ITGAX: variants seen among roughly 807,000 people sequenced by gnomAD.
ITGAX encodes integrin alpha-X.
Under a neutral mutation model 140.2 loss-of-function variants are expected in ITGAX, and 99 were observed. The observed-to-expected ratio is 0.71, with a 90% CI of 0.60 to 0.83. The LOEUF (loss-of-function observed/expected upper bound fraction) is 0.83, where lower values mean the gene tolerates loss of function less well. Among genes scored for constraint, ITGAX ranks in the 40% least tolerant of loss-of-function variants. ITGAX has a pLI of 0.00. For synonymous variants in ITGAX, 631 were observed against 600.4 expected (o/e 1.05, Z -0.75); for missense variants, 1,444 against 1,482.0 (o/e 0.97, Z 0.42).
At chr16:31,360,142 G>A in intron 7 of ITGAX, 77 bp downstream of exon 7, 1 of 1,581,290 alleles carries the variant, frequency 6.3e-7, no homozygotes, top group Non-Finnish European at 8.6e-7. Context: ...TCCACGAGAA[G>A]GGGACAGGCA....
At position 31,355,942 on chromosome 16, in the gene ITGAX, C is replaced by T. The variant is rs745533790; in HGVS notation, c.87C>T (p.Ala29=). 1 of 1,613,904 alleles carries T rather than the reference C, an allele frequency of 6.2e-7. No homozygotes were observed. Among genetic ancestry groups the T allele is most frequent in the Non-Finnish European group, 8.5e-7 (1 of 1,179,872 alleles). Residue 29 remains alanine (A), a synonymous_variant, in exon 2 of 30, where the codon GCC becomes GCT. Coordinates refer to ENST00000268296, the MANE Select transcript of ITGAX (RefSeq NM_000887.5). ...GFNLDTEELT[A]FRVDSAGFGD... ...ACTTGGACACAGAGGAGCTGACAGC[C>T]TTCCGTGTGGACAGCGCTGGGTTTG...
chr16:31,372,508 C>T lies in ITGAX; in HGVS notation c.2291C>T (p.Ser764Phe). The T allele has an allele frequency of 2.5e-6, 4 of 1,610,406 alleles. No individual in the cohort carries two copies. Among genetic ancestry groups the T allele is most frequent in the Non-Finnish European group, 3.4e-6 (4 of 1,179,002 alleles). The change falls in exon 18 of 30, where the codon TCC becomes TTC. Residue 764 changes from serine to phenylalanine, a missense_variant and splice_region_variant. Ser to Phe is a radical substitution (Grantham distance 155). Coordinates refer to ENST00000268296, the MANE Select transcript of ITGAX (RefSeq NM_000887.5). ...AADAQRYFTA[S>F]LPFEKNCGAD... is the part of the protein sequence containing the mutation. ...GATGCTCAGAGATACTTCACGGCCT[C>T]CGTGAGTCCTGGCACTGGGTCTCCC... is the stretch of plus-strand genomic sequence containing the variant.
intron 5 of ITGAX, 110 bp from the exon 6 acceptor site, chr16:31,359,590 G>A (rs1415945040): frequency 1.5e-6 from 2 of 1,320,870 alleles, no homozygotes; most frequent in African/African-American, 1.5e-5. Flanking sequence ...CGCCAGACTA[G>A]GGGCTTAGGG....
At chr16:31,361,991 G>A (rs1360804995) in intron 10 of ITGAX, 82 bp downstream of exon 10, 5 of 1,612,426 alleles carry the variant, frequency 3.1e-6, no homozygotes, top group Non-Finnish European at 4.2e-6. Context: ...AGGTGGGTAA[G>A]AGGCGCAGGC....
chr16:31,366,681 AATTTTTGT>A (rs1276878376), intron 14 of ITGAX, among the ~76,000 whole-genome samples: 1 of 152,148 alleles, frequency 6.6e-6, no homozygotes, highest in Admixed American at 6.5e-5. Context: ...ATGCCTGGCT[AATTTTTGT>A]GTTTTTAGTA....
chr16:31,371,003 A>G, intron 14 of ITGAX, 81 bp from the exon 15 acceptor site: 2 of 1,565,632 alleles, frequency 1.3e-6, no homozygotes, highest in South Asian at 1.1e-5. Context: ...CGATGGTCCT[A>G]CCTCCATATT....
chr16:31,360,210 G>A, intron 7 of ITGAX, 100 bp from the exon 8 acceptor site: 1 of 1,511,696 alleles, frequency 6.6e-7, no homozygotes, highest in Non-Finnish European at 8.9e-7. Context: ...GGTGGGACTG[G>A]GGCCTCCCAA....
At chr16:31,371,829 C>A in intron 17 of ITGAX, 45 bp downstream of exon 17, 1 of 1,600,016 alleles carries the variant, frequency 6.2e-7, no homozygotes, top group Non-Finnish European at 8.5e-7. Flanking sequence ...CTGGGGCTGG[C>A]AGAAGGCAGG....
At chr16:31,381,745 CTT>C in intron 29 of ITGAX, 56 bp from the exon 30 acceptor site, 1 of 857,226 alleles carries the variant, frequency 1.2e-6, no homozygotes, top group Non-Finnish European at 2.0e-6. Flanking sequence ...TCAGTCATCT[CTT>C]TTCCTCTCTT....
chr16:31,380,446 C>A, intron 27 of ITGAX, 67 bp downstream of exon 27: 1 of 1,608,974 alleles, frequency 6.2e-7, no homozygotes, highest in East Asian at 2.2e-5. Flanking sequence ...CTGTGCCCAT[C>A]TGCAAGCCAG....
chr16:31,366,017 G>A (rs2080889274), intron 14 of ITGAX, among the ~76,000 whole-genome samples: 3 of 152,212 alleles, frequency 2.0e-5, no homozygotes, highest in South Asian at 4.1e-4. Flanking sequence ...AAGGGCCCAC[G>A]TGTTGTCATG....
chr16:31,372,344 T>C lies in ITGAX; in HGVS notation c.2161-34T>C, dbSNP rs1451591520. ...GCCGAGCGCAGCTCTTACCCTCCCC[T>C]TACCCTCCGCTCCCCGCGACGCCCG... On this transcript the variant is annotated intron_variant, in intron 17 of 29. Coordinates refer to ENST00000268296, the MANE Select transcript of ITGAX (RefSeq NM_000887.5). 3.2e-6 allele frequency: 5 copies of C among 1,581,110 alleles called. No individual in the cohort carries two copies. The South Asian group carries it at 5.8e-5, about 18-fold the overall frequency.
In ITGAX at chr16:31,371,484, C is replaced by A. The variant is rs1239908123; in HGVS notation, c.1992C>A (p.Asn664Lys). The change falls in exon 16 of 30, where the codon AAC (asparagine) becomes AAA (lysine). Residue 664 changes from asparagine (N) to lysine (K), a missense_variant. Asn to Lys is a moderately conservative substitution (Grantham distance 94). Transcript: ENST00000268296. ...TTTACATTGACAAACGTTCTAAGAA[C>A]CTGCTTGGGAGCCGTGAGTCCCCTC... ...ICLYIDKRSK[N>K]LLGSRDLQSS... The A allele has an allele frequency of 1.9e-6, 3 of 1,613,904 alleles. No individual in the cohort carries two copies. In the Admixed American group the frequency reaches 5.0e-5, roughly 27 times the overall value.
At position 31,380,745 on chromosome 16, in the gene ITGAX, T is replaced by C. The variant is rs367913169; in HGVS notation, c.3276+121T>C. 1.0e-3 allele frequency: 1,375 copies of C among 1,340,916 alleles called. 10 individuals are homozygous for C. In the African/African-American group the frequency reaches 0.015, roughly 15 times the overall value. The allele number at this position is 1,340,916 out of a possible 1,614,324, so 83.1% of individuals were successfully genotyped here. A position where few individuals can be genotyped will look rare whatever the true frequency, so the allele number is the denominator to read the frequency against. On this transcript the variant is annotated intron_variant, in intron 28 of 29. Transcript: ENST00000268296. ...GGAGGGCGAAGGCCTCTGGGCAGGA[T>C]AGCTGTCCCTAAGGGCACGGGTGCT...
At chr16:31,376,741 G>T in intron 20 of ITGAX, 58 bp from the exon 21 acceptor site, 1 of 1,513,828 alleles carries the variant, frequency 6.6e-7, no homozygotes, top group Non-Finnish European at 9.2e-7. Flanking sequence ...AAAGTAATTG[G>T]GTTTTTGCCA....
chr16:31,357,471 GAA>G (rs941623746), intron 5 of ITGAX, 107 bp downstream of exon 5: 1 of 714,930 alleles, frequency 1.4e-6, no homozygotes, highest in African/African-American at 1.8e-5. Flanking sequence ...AAGGGATCTG[GAA>G]AAAGAGTTAC....
chr16:31,367,279 C>T (rs1224171833), intron 14 of ITGAX, among the ~76,000 whole-genome samples: 1 of 152,198 alleles, frequency 6.6e-6, no homozygotes, highest in Non-Finnish European at 1.5e-5. Flanking sequence ...AGCAAGTTCT[C>T]CAGAAGATCT....
At chr16:31,363,429 C>G (rs1274077371) in intron 14 of ITGAX, 55 bp downstream of exon 14, 1 of 1,577,156 alleles carries the variant, frequency 6.3e-7, no homozygotes, top group Non-Finnish European at 8.7e-7. Flanking sequence ...GCCTCTCCCA[C>G]TCTGTCATAC....
At chr16:31,378,512 G>A (rs2081039862) in intron 23 of ITGAX, among the ~76,000 whole-genome samples, 2 of 152,060 alleles carry the variant, frequency 1.3e-5, no homozygotes, top group Admixed American at 1.3e-4. Flanking sequence ...TGTTGCCCAG[G>A]CTGGAGTGCA....
Sources: gnomAD v4.1 joint callset for allele counts (sites outside exome capture counted in the v4.1 genomes callset) on GRCh38, gnomAD v4.1.1 for gene constraint, MANE v1.5 for transcripts, NCBI Gene and HGNC (gene_info 2026-07-23, HGNC 2026-07-21) for gene names.